HACE1: variants seen among roughly 807,000 people sequenced by gnomAD.
The protein encoded by HACE1 is HECT domain and ankyrin repeat containing E3 ubiquitin protein ligase 1.
In HACE1, 73 loss-of-function variants were observed where a neutral mutation model predicts 118.4. The observed-to-expected ratio is 0.62, with a 90% CI of 0.51 to 0.75. The LOEUF (loss-of-function observed/expected upper bound fraction) is 0.75. Among genes scored for constraint, HACE1 ranks in the 30% least tolerant of loss-of-function variants. The pLI is 0.00. For synonymous variants in HACE1, 368 were observed against 374.8 expected (o/e 0.98, Z 0.21); for missense variants, 749 against 1,102.2 (o/e 0.68, Z 4.54).
At chr6:104,730,536 C>T in intron 22 of HACE1, 120 bp from the exon 23 acceptor site, 1 of 679,462 alleles carries the variant, frequency 1.5e-6, no homozygotes, top group Non-Finnish European at 2.7e-6. Context: ...CAACACGACA[C>T]TTTTTAGTCT....
chr6:104,735,967 TATAAA>T (rs1324981506), intron 22 of HACE1, among the ~76,000 whole-genome samples: 1 of 151,938 alleles, frequency 6.6e-6, no homozygotes, highest in East Asian at 1.9e-4. Flanking sequence ...TTCAAAAAGT[TATAAA>T]ATAACAATAG....
chr6:104,733,890 C>T (rs1775489573), intron 22 of HACE1, among the ~76,000 whole-genome samples: 1 of 151,392 alleles, frequency 6.6e-6, no homozygotes, highest in African/African-American at 2.4e-5. Flanking sequence ...CAGTGATTCG[C>T]GCCTGTAATC....
chr6:104,801,367 C>T (rs565461512), intron 7 of HACE1, among the ~76,000 whole-genome samples: 6 of 152,068 alleles, frequency 3.9e-5, no homozygotes, highest in East Asian at 1.9e-4. Flanking sequence ...ATACAGAGAA[C>T]GCCACAAAGA....
intron 22 of HACE1, among the ~76,000 whole-genome samples, chr6:104,743,626 C>G (rs934497775): frequency 6.6e-6 from 1 of 151,868 alleles, no homozygotes; most frequent in African/African-American, 2.4e-5. Context: ...ATCTAGTTTT[C>G]TAATATCTAT....
chr6:104,774,545 C>T (rs1781020769), intron 17 of HACE1, among the ~76,000 whole-genome samples: 1 of 151,840 alleles, frequency 6.6e-6, no homozygotes, highest in South Asian at 2.1e-4. Context: ...CCACCATGCC[C>T]AGTTAATTTT....
chr6:104,805,290 A>C (rs1250898864), intron 7 of HACE1, among the ~76,000 whole-genome samples: 1 of 152,232 alleles, frequency 6.6e-6, no homozygotes, highest in Non-Finnish European at 1.5e-5. Context: ...TGTGGAAGAC[A>C]GTGTGGTGAT....
chr6:104,850,156 G>C (rs1437094874), intron 3 of HACE1, among the ~76,000 whole-genome samples: 2 of 151,700 alleles, frequency 1.3e-5, no homozygotes. Flanking sequence ...CACCATGTTG[G>C]CGAGGCTGGT....
At chr6:104,856,532 T>G (rs10872803) in intron 1 of HACE1, among the ~76,000 whole-genome samples, 16,677 of 151,940 alleles carry the variant, frequency 0.11, 953 homozygotes, top group Admixed American at 0.15. Context: ...CCTCCCAGGT[T>G]CAAGCAATTC....
Position 104,833,715 on chromosome 6 carries a change from G to A in HACE1, c.403-542C>T, listed in dbSNP as rs1038008324. On this transcript the variant is annotated intron_variant, in intron 5 of 23. Transcript: ENST00000262903. ...AAAAATTAGCTGGGCAGCCGGGCACGGTAGCTCAAGCCTCTAATCCCGGAA... is the reference window on the plus strand; with the variant it reads ...AAAAATTAGCTGGGCAGCCGGGCACAGTAGCTCAAGCCTCTAATCCCGGAA... Among the ~76,000 whole-genome samples, 58 of 152,160 alleles carry A rather than the reference G, an allele frequency of 3.8e-4. 1 individual carries two copies. The highest frequency in any genetic ancestry group is 1.4e-3 in the Admixed American group (21 of 15,292).
At chr6:104,827,189 A>G (rs1773422594) in intron 6 of HACE1, among the ~76,000 whole-genome samples, 1 of 152,196 alleles carries the variant, frequency 6.6e-6, no homozygotes, top group South Asian at 2.1e-4. Flanking sequence ...CTACTTTATC[A>G]ATGTCAACTC....
Position 104,777,333 on chromosome 6 carries a change from A to G in HACE1, c.1567-16T>C. The G allele has an allele frequency of 6.8e-7, 1 of 1,474,162 alleles. No homozygotes were observed. Among genetic ancestry groups the G allele is most frequent in the East Asian group, 2.3e-5 (1 of 44,172 alleles). The allele number at this position is 1,474,162 out of a possible 1,614,324, so 91.3% of individuals were successfully genotyped here. On this transcript the variant is annotated splice_polypyrimidine_tract_variant and intron_variant, in intron 14 of 23. Coordinates refer to ENST00000262903, the MANE Select transcript of HACE1 (RefSeq NM_020771.4). ...CTTTAAAAGGCTAGCTCAAAAAATAAGAGTAAAATATGTTAGCAGTGTATC... is the reference window on the plus strand; with the variant it reads ...CTTTAAAAGGCTAGCTCAAAAAATAGGAGTAAAATATGTTAGCAGTGTATC...
chr6:104,833,172 ATC>A lies in HACE1; in HGVS notation c.403-1_403del. ...CCGCCCATTCACAGCCAGCCAATGT[ATC>A]TGTGAAGCCATTTAGTTACTTAACA... On this transcript the variant is annotated splice_acceptor_variant and coding_sequence_variant, in exon 6 of 24. Transcript: ENST00000262903. LOFTEE classifies it high-confidence loss of function. The A allele has an allele frequency of 6.2e-7, 1 of 1,613,096 alleles. No homozygotes were observed.
At chr6:104,744,739 G>C (rs965005152) in intron 20 of HACE1, 129 bp from the exon 21 acceptor site, 1 of 656,876 alleles carries the variant, frequency 1.5e-6, no homozygotes, top group Admixed American at 2.3e-5. Context: ...GACAGTTCCT[G>C]CATGTCATCA....
chr6:104,762,715 GCGC>G (rs545940208), intron 19 of HACE1, among the ~76,000 whole-genome samples: 8 of 151,892 alleles, frequency 5.3e-5, no homozygotes, highest in Non-Finnish European at 1.0e-4. Context: ...AAAAGGCCGG[GCGC>G]GGTAGCTCAC....
At chr6:104,824,356 T>C (rs538867963) in intron 6 of HACE1, among the ~76,000 whole-genome samples, 1 of 152,346 alleles carries the variant, frequency 6.6e-6, no homozygotes, top group East Asian at 1.9e-4. Flanking sequence ...ATGTATTTAT[T>C]GCCTGGTCTT....
Position 104,784,398 on chromosome 6 carries a change from AC to A in HACE1, c.1478+18del. On this transcript the variant is annotated intron_variant, in intron 13 of 23. Coordinates refer to ENST00000262903, the MANE Select transcript of HACE1 (RefSeq NM_020771.4). ...AGAGGAAAGGCTAGCAGGGTACTCC[AC>A]AAACCCAGAAAGCTTACCTATTAAC... The A allele has an allele frequency of 6.4e-7, 1 of 1,557,186 alleles. No homozygotes were observed.
chr6:104,832,911 C>G (rs1198868884), intron 6 of HACE1, 131 bp downstream of exon 6: 3 of 847,342 alleles, frequency 3.5e-6, no homozygotes, highest in Admixed American at 4.0e-5. Flanking sequence ...AAAAAAAAGT[C>G]CATATGATGC....
At chr6:104,760,594 A>G (rs1042651808) in intron 19 of HACE1, among the ~76,000 whole-genome samples, 1 of 152,198 alleles carries the variant, frequency 6.6e-6, no homozygotes, top group African/African-American at 2.4e-5. Flanking sequence ...TATCATACTG[A>G]ATAGGGAAAA....
intron 19 of HACE1, among the ~76,000 whole-genome samples, chr6:104,761,715 A>C (rs1322828710): frequency 6.6e-6 from 1 of 152,226 alleles, no homozygotes; most frequent in East Asian, 1.9e-4. Flanking sequence ...AATTAAACTA[A>C]AGAGCTTCTG....
Sources: allele counts gnomAD v4.1 joint callset (sites outside exome capture counted in the v4.1 genomes callset), GRCh38; gene constraint gnomAD v4.1.1; transcripts MANE v1.5; gene names NCBI Gene and HGNC (gene_info 2026-07-23, HGNC 2026-07-21).